Variants in CTNNA3 observed in about 807,000 individuals in gnomAD.
CTNNA3 encodes catenin alpha-3.
Under a neutral mutation model 95.7 loss-of-function variants are expected in CTNNA3, and 76 were observed. That is an observed-to-expected ratio of 0.79 (90% CI 0.66 to 0.96). The LOEUF is 0.96. Among genes scored for constraint, CTNNA3 ranks in the 40% least tolerant of loss-of-function variants. The pLI is 0.00. For synonymous variants in CTNNA3, 431 were observed against 374.4 expected (o/e 1.15, Z -1.74); for missense variants, 1,191 against 1,089.8 (o/e 1.09, Z -1.31).
intron 5 of CTNNA3, among the ~76,000 whole-genome samples, chr10:67,348,046 A>G (rs1345012478): frequency 6.6e-6 from 1 of 152,196 alleles, no homozygotes; most frequent in Non-Finnish European, 1.5e-5. Flanking sequence ...TGCCAAAAAT[A>G]CACAATGGGG....
At chr10:66,528,831 T>G (rs1381231273) in intron 10 of CTNNA3, among the ~76,000 whole-genome samples, 1 of 152,096 alleles carries the variant, frequency 6.6e-6, no homozygotes, top group Non-Finnish European at 1.5e-5. Context: ...AGTTTCTACA[T>G]AGAAAGTGAC....
chr10:66,408,524 T>C (rs1489490183), intron 11 of CTNNA3, among the ~76,000 whole-genome samples: 1 of 152,184 alleles, frequency 6.6e-6, no homozygotes, highest in Admixed American at 6.5e-5. Flanking sequence ...TCTATCTTTA[T>C]ATCATCTTTT....
At chr10:66,376,599 T>G (rs1291871479) in intron 12 of CTNNA3, among the ~76,000 whole-genome samples, 1 of 152,190 alleles carries the variant, frequency 6.6e-6, no homozygotes, top group African/African-American at 2.4e-5. Flanking sequence ...AAGTATGGCT[T>G]ATATTTCATC....
intron 1 of CTNNA3, among the ~76,000 whole-genome samples, chr10:67,719,376 T>C (rs1249957168): frequency 6.6e-6 from 1 of 152,190 alleles, no homozygotes; most frequent in Non-Finnish European, 1.5e-5. Flanking sequence ...TCTCTAGTTC[T>C]TTTAATTGTG....
chr10:67,663,997 A>G (rs1173361334), intron 1 of CTNNA3, among the ~76,000 whole-genome samples: 1 of 152,172 alleles, frequency 6.6e-6, no homozygotes, highest in South Asian at 2.1e-4. Flanking sequence ...TTTTTTTACA[A>G]GTTAGATCAA....
intron 12 of CTNNA3, among the ~76,000 whole-genome samples, chr10:66,295,051 G>A (rs1359489204): frequency 1.1e-4 from 17 of 152,152 alleles, no homozygotes; most frequent in Non-Finnish European, 2.9e-5. Flanking sequence ...TCTGTTGATA[G>A]CTTCACAGAC....
chr10:67,544,926 G>A (rs1031421571), intron 3 of CTNNA3, among the ~76,000 whole-genome samples: 1 of 152,144 alleles, frequency 6.6e-6, no homozygotes, highest in Non-Finnish European at 1.5e-5. Context: ...AAAGGCAACA[G>A]CAGACTAGCA....
At chr10:66,229,484 T>A (rs1052941349) in intron 13 of CTNNA3, among the ~76,000 whole-genome samples, 8 of 152,182 alleles carry the variant, frequency 5.3e-5, no homozygotes, top group African/African-American at 1.9e-4. Flanking sequence ...AGGATAGCTT[T>A]CCTGAGTATA....
At chr10:66,751,784 T>A (rs1839150430) in intron 9 of CTNNA3, among the ~76,000 whole-genome samples, 1 of 152,178 alleles carries the variant, frequency 6.6e-6, no homozygotes, top group Non-Finnish European at 1.5e-5. Context: ...TTCCTAAAAT[T>A]TCTTTTAAGT....
At chr10:67,294,515 G>C (rs1192746052) in intron 5 of CTNNA3, among the ~76,000 whole-genome samples, 1 of 151,440 alleles carries the variant, frequency 6.6e-6, no homozygotes, top group African/African-American at 2.4e-5. Context: ...AAAATGTTTT[G>C]ATTTTTAAGA....
At chr10:66,148,968 G>A (rs1245478550) in intron 13 of CTNNA3, among the ~76,000 whole-genome samples, 1 of 151,160 alleles carries the variant, frequency 6.6e-6, no homozygotes, top group Non-Finnish European at 1.5e-5. Context: ...TACATGTAAT[G>A]AACATGCATT....
chr10:66,207,920 A>G (rs1483361035), intron 13 of CTNNA3, among the ~76,000 whole-genome samples: 1 of 152,092 alleles, frequency 6.6e-6, no homozygotes, highest in Non-Finnish European at 1.5e-5. Flanking sequence ...AGTCATTCAC[A>G]GAAGCTGAAA....
chr10:66,785,627 C>G (rs576046531), intron 7 of CTNNA3, among the ~76,000 whole-genome samples: 2 of 152,134 alleles, frequency 1.3e-5, no homozygotes, highest in Non-Finnish European at 2.9e-5. Flanking sequence ...CCATTGGCTC[C>G]CCTGGTTCTC....
chr10:67,750,283 C>A, intron 1 of CTNNA3: 1 of 1,519,692 alleles, frequency 6.6e-7, no homozygotes, highest in Non-Finnish European at 9.1e-7. Flanking sequence ...CTGCACCAAC[C>A]ATGGCCATCT....
rs1847554585 is a variant in CTNNA3 at position 67,465,431 on chromosome 10, A to G, written c.579+56411T>C. 5.3e-5 allele frequency among the ~76,000 whole-genome samples: 8 copies of G among 152,282 alleles called. No homozygotes were observed. In the South Asian group the frequency reaches 1.7e-3, roughly 32 times the overall value. The stretch of plus-strand genomic sequence containing the variant: ...ATAGACGAGGAAAGGAAAGGAAAAG[A>G]GAGGAAAACGATGAGGCTAGAATCA... On this transcript the variant is annotated intron_variant, in intron 5 of 17. Transcript: ENST00000433211.
intron 11 of CTNNA3, among the ~76,000 whole-genome samples, chr10:66,458,794 G>C (rs758920750): frequency 1.3e-5 from 2 of 152,140 alleles, no homozygotes; most frequent in Non-Finnish European, 2.9e-5. Flanking sequence ...ACCATTGTAT[G>C]ATAAGCCATA....
chr10:67,631,652 G>A (rs1280941013), intron 2 of CTNNA3, among the ~76,000 whole-genome samples: 1 of 152,146 alleles, frequency 6.6e-6, no homozygotes, highest in Non-Finnish European at 1.5e-5. Flanking sequence ...TGAAATCAGA[G>A]ACTATATCAT....
chr10:65,998,975 G>A (rs2133358297), intron 15 of CTNNA3, among the ~76,000 whole-genome samples: 1 of 152,122 alleles, frequency 6.6e-6, no homozygotes, highest in Admixed American at 6.5e-5. Context: ...TTATTAGCAA[G>A]TTTCCCTGTA....
intron 9 of CTNNA3, among the ~76,000 whole-genome samples, chr10:66,736,407 G>A (rs1011090052): frequency 7.3e-5 from 11 of 151,378 alleles, no homozygotes; most frequent in Non-Finnish European, 1.0e-4. Flanking sequence ...TGCCCAGGCT[G>A]GTCTCGAACT....
Sources: gnomAD v4.1 joint callset for allele counts (sites outside exome capture counted in the v4.1 genomes callset) on GRCh38, gnomAD v4.1.1 for gene constraint, MANE v1.5 for transcripts, NCBI Gene and HGNC (gene_info 2026-07-23, HGNC 2026-07-21) for gene names.